The following FAM169A variants were observed in gnomAD, a reference collection of about 807,000 sequenced individuals.
The protein encoded by FAM169A is soluble lamin-associated protein of 75 kDa.
Under a neutral mutation model 75.7 loss-of-function variants are expected in FAM169A, and 24 were observed. That is an observed-to-expected ratio of 0.32 (90% confidence interval 0.23 to 0.45). FAM169A has a LOEUF of 0.45. FAM169A is among the 20% of genes least tolerant of loss of function. FAM169A has a pLI of 1.00. For missense variants in FAM169A, 673 were observed against 784.0 expected (o/e 0.86, Z 1.69); for synonymous variants, 271 against 271.0 (o/e 1.00, Z 0.00).
intron 1 of FAM169A, among the ~76,000 whole-genome samples, chr5:74,859,141 G>A (rs969542159): frequency 1.3e-5 from 2 of 151,792 alleles, no homozygotes; most frequent in Admixed American, 6.6e-5. Flanking sequence ...TTGAACCCGG[G>A]AGGCGGAGGG....
At position 74,822,760 on chromosome 5, in the gene FAM169A, C is replaced by T. The variant is rs1231283145; in HGVS notation, c.491-8741G>A. ...TCTATGTTATGTCTACTTACATATG[C>T]CTTAGGGACACATATGCCCATGTCA... On this transcript the variant is annotated intron_variant, in intron 5 of 12. Transcript: ENST00000687041. Among the ~76,000 whole-genome samples the T allele has an allele frequency of 3.9e-5, 6 of 152,228 alleles. No individual in the cohort carries two copies. In the East Asian group the frequency reaches 1.2e-3, roughly 29 times the overall value.
chr5:74,853,821 C>G (rs1354598449), intron 1 of FAM169A, among the ~76,000 whole-genome samples: 1 of 150,640 alleles, frequency 6.6e-6, no homozygotes, highest in African/African-American at 2.4e-5. Flanking sequence ...CATTCTCCTG[C>G]CTCAGCCTCC....
intron 10 of FAM169A, among the ~76,000 whole-genome samples, chr5:74,797,553 A>C (rs894986271): frequency 4.6e-5 from 7 of 152,206 alleles, no homozygotes; most frequent in Non-Finnish European, 7.3e-5. Context: ...GCCTTTGCTC[A>C]TGTTAGTGCT....
chr5:74,794,179 A>C (rs1287306896), intron 11 of FAM169A, among the ~76,000 whole-genome samples: 3 of 142,208 alleles, frequency 2.1e-5, no homozygotes, highest in African/African-American at 7.8e-5. Context: ...CGGATCATGA[A>C]GTCAGGAGAT....
rs1457181804 is a variant in FAM169A, at chr5:74,778,528, G to A, written c.*2932C>T. 1.3e-5 allele frequency: 2 copies of A among 151,872 alleles called. No homozygotes were observed. 9.4% of individuals were successfully genotyped at this position (151,872 alleles called of 1,614,324 possible). On this transcript the variant is annotated 3_prime_UTR_variant, in exon 13 of 13. Transcript: ENST00000687041. ...GTTTTCCTTACCATCTACACTGAAT[G>A]GAAATACCATGAATATAGACACATT...
At chr5:74,810,672 C>T (rs1747133114) in intron 6 of FAM169A, among the ~76,000 whole-genome samples, 1 of 143,270 alleles carries the variant, frequency 7.0e-6, no homozygotes. Flanking sequence ...ATGGTGTGAA[C>T]CCGGGAGGCA....
At chr5:74,802,375 AT>A (rs1372674854) in intron 8 of FAM169A, among the ~76,000 whole-genome samples, 2 of 151,844 alleles carry the variant, frequency 1.3e-5, no homozygotes, top group Non-Finnish European at 1.5e-5. Flanking sequence ...AAATTGTACC[AT>A]TTTTTTGATA....
At position 74,781,470 on chromosome 5, in the gene FAM169A, T is replaced by G; in HGVS notation, c.2003A>C (p.Lys668Thr). 1 of 1,613,482 alleles carries G rather than the reference T, an allele frequency of 6.2e-7. No homozygotes were observed. The highest frequency in any genetic ancestry group is 8.5e-7 in the Non-Finnish European group (1 of 1,179,640). Residue 668 changes from lysine to threonine, a missense_variant, in exon 13 of 13, where the codon AAG (lysine) becomes ACG (threonine). Lys to Thr is a moderately conservative substitution (Grantham distance 78). This residue lies in a region of FAM169A where 510 missense variants were observed against 550.9 expected (regional missense o/e 0.93). Transcript: ENST00000687041. ...CACTTTCTTCTTCCTTCAGGTCAGC[T>G]TAGCTTTCTTCTTAGCAGGTCCTTT... ...GHKGPAKKKA[K>T]LT
intron 6 of FAM169A, among the ~76,000 whole-genome samples, chr5:74,813,404 G>A (rs1300949113): frequency 6.6e-6 from 1 of 151,948 alleles, no homozygotes; most frequent in Non-Finnish European, 1.5e-5. Flanking sequence ...TTGGCTCACT[G>A]CAACCTCTGC....
intron 5 of FAM169A, among the ~76,000 whole-genome samples, chr5:74,818,770 G>GCT (rs375359690): frequency 0.041 from 5,483 of 133,968 alleles, 147 homozygotes; most frequent in Non-Finnish European, 0.053. Flanking sequence ...CGGTTTCACA[G>GCT]CTCTCTCTCT....
rs534176614 is a variant in FAM169A at position 74,845,974 on chromosome 5, T to A, written c.-3-4295A>T. Among the ~76,000 whole-genome samples, 3 of 152,322 alleles carry A rather than the reference T, an allele frequency of 2.0e-5. No homozygotes were observed. In the South Asian group the frequency reaches 6.2e-4, roughly 32 times the overall value. On this transcript the variant is annotated intron_variant, in intron 1 of 12. Coordinates refer to ENST00000687041, the MANE Select transcript of FAM169A (RefSeq NM_001376049.1). Reference sequence around the variant, plus strand: ...TCAGATCTAACAATTCCAATGAAGATTAAAATTGTAGATGAAATTATAAAC... The same window carrying A: ...TCAGATCTAACAATTCCAATGAAGAATAAAATTGTAGATGAAATTATAAAC...
At chr5:74,814,865 A>G (rs1420831675) in intron 5 of FAM169A, among the ~76,000 whole-genome samples, 4 of 152,190 alleles carry the variant, frequency 2.6e-5, no homozygotes, top group Admixed American at 2.6e-4. Flanking sequence ...ATTCATAGTT[A>G]TCAGTCATTA....
At chr5:74,818,265 G>A (rs1411434998) in intron 5 of FAM169A, among the ~76,000 whole-genome samples, 1 of 152,048 alleles carries the variant, frequency 6.6e-6, no homozygotes, top group Non-Finnish European at 1.5e-5. Flanking sequence ...TCTGACAAGG[G>A]TCTTGTATCT....
At chr5:74,862,401 A>G (rs1750084111) in intron 1 of FAM169A, among the ~76,000 whole-genome samples, 1 of 152,180 alleles carries the variant, frequency 6.6e-6, no homozygotes, top group Admixed American at 6.5e-5. Context: ...ATTTGCTGGG[A>G]CTGTCTCTCG....
intron 10 of FAM169A, 96 bp from the exon 11 acceptor site, chr5:74,796,282 C>T (rs1746270388): frequency 7.1e-6 from 8 of 1,123,878 alleles, no homozygotes; most frequent in Non-Finnish European, 9.9e-6. Flanking sequence ...AGAGAATCAA[C>T]TATGTTGTCA....
In FAM169A at chr5:74,840,147, G is replaced by A; in HGVS notation, c.159C>T (p.Gly53=). The change falls in exon 3 of 13, where the codon GGC becomes GGT. Residue 53 remains glycine (G), a synonymous_variant. Transcript: ENST00000687041. ...ITIPISLSNV[G]FVPLYGGDQT... Reference sequence around the variant, plus strand: ...GATCTCCACCATAAAGAGGTACAAAGCCTACATTTGACAGGCTAATAGGAA... The same window carrying A: ...GATCTCCACCATAAAGAGGTACAAAACCTACATTTGACAGGCTAATAGGAA... The A allele has an allele frequency of 6.3e-7, 1 of 1,591,620 alleles. No homozygotes were observed. Among genetic ancestry groups the A allele is most frequent in the Non-Finnish European group, 8.6e-7 (1 of 1,167,688 alleles).
chr5:74,810,603 A>G (rs981150410), intron 6 of FAM169A, among the ~76,000 whole-genome samples: 3 of 151,676 alleles, frequency 2.0e-5, no homozygotes, highest in Non-Finnish European at 4.4e-5. Context: ...CAAAAAAATT[A>G]GCCAGGCGTG....
At chr5:74,857,305 C>G (rs990788022) in intron 1 of FAM169A, among the ~76,000 whole-genome samples, 2 of 151,830 alleles carry the variant, frequency 1.3e-5, no homozygotes, top group African/African-American at 4.8e-5. Flanking sequence ...AATCCTAGCA[C>G]TTTGGGAGGC....
intron 5 of FAM169A, among the ~76,000 whole-genome samples, chr5:74,823,403 T>C (rs1386397372): frequency 6.6e-6 from 1 of 152,188 alleles, no homozygotes; most frequent in African/African-American, 2.4e-5. Flanking sequence ...TAAATATCAC[T>C]TTCCCAGTCA....
Sources: allele counts gnomAD v4.1 joint callset (sites outside exome capture counted in the v4.1 genomes callset), GRCh38; gene constraint gnomAD v4.1.1; regional missense constraint gnomAD v4.1.1; transcripts MANE v1.5; gene names NCBI Gene and HGNC (gene_info 2026-07-23, HGNC 2026-07-21).